EYA1: variants seen among roughly 807,000 people sequenced by gnomAD.
EYA1 encodes the protein protein phosphatase EYA1.
Under a neutral mutation model 82.0 loss-of-function variants are expected in EYA1, and 16 were observed. The ratio of observed to expected loss-of-function variants is 0.20; its 90% CI spans 0.13 to 0.30. EYA1 has a LOEUF of 0.30. Among genes scored for constraint, EYA1 ranks in the 10% least tolerant of loss-of-function variants. The pLI is 1.00. For missense variants in EYA1, 633 were observed against 730.7 expected, an observed-to-expected ratio of 0.87 and a Z score of 1.54; for synonymous variants, 261 against 264.4, an observed-to-expected ratio of 0.99 and a Z score of 0.12.
At chr8:71,398,284 T>G (rs560259755) in intron 2 of EYA1, among the ~76,000 whole-genome samples, 1 of 152,354 alleles carries the variant, frequency 6.6e-6, no homozygotes, top group Non-Finnish European at 1.5e-5. Flanking sequence ...GTCCGAAGCC[T>G]TCTTCTCTCA....
At chr8:71,443,640 T>A (rs527785188) in intron 2 of EYA1, among the ~76,000 whole-genome samples, 5 of 152,284 alleles carry the variant, frequency 3.3e-5, no homozygotes, top group African/African-American at 1.2e-4. Flanking sequence ...ACAACACTGA[T>A]TCAAAGAAAA....
intron 2 of EYA1, among the ~76,000 whole-genome samples, chr8:71,367,152 A>G (rs917313809): frequency 1.3e-5 from 2 of 152,166 alleles, no homozygotes; most frequent in African/African-American, 4.8e-5. Context: ...TAGAGATTAT[A>G]AATATTCCCA....
intron 11 of EYA1, among the ~76,000 whole-genome samples, chr8:71,245,576 T>C (rs1812989779): frequency 6.6e-6 from 1 of 151,696 alleles, no homozygotes; most frequent in African/African-American, 2.4e-5. Context: ...TTAGTGTTAG[T>C]GTATTTTACG....
At chr8:71,510,184 T>C (rs2129250321) in intron 2 of EYA1, among the ~76,000 whole-genome samples, 1 of 152,270 alleles carries the variant, frequency 6.6e-6, no homozygotes, top group East Asian at 1.9e-4. Flanking sequence ...TATCATGTAT[T>C]CATTAGACTC....
At chr8:71,223,593 G>T (rs1810209584) in intron 12 of EYA1, among the ~76,000 whole-genome samples, 1 of 152,162 alleles carries the variant, frequency 6.6e-6, no homozygotes, top group Non-Finnish European at 1.5e-5. Context: ...TGGGCAGAAA[G>T]CCACATGGGG....
intron 9 of EYA1, among the ~76,000 whole-genome samples, chr8:71,288,546 C>A (rs533216196): frequency 6.6e-6 from 1 of 152,300 alleles, no homozygotes; most frequent in Admixed American, 6.5e-5. Context: ...ACAGTCGATG[C>A]TAAACGAAAA....
At chr8:71,459,050 T>C (rs1401775839) in intron 2 of EYA1, among the ~76,000 whole-genome samples, 2 of 152,094 alleles carry the variant, frequency 1.3e-5, no homozygotes, top group Admixed American at 1.3e-4. Flanking sequence ...CTGGTGTGTA[T>C]AAAGAAACTG....
chr8:71,352,319 C>T (rs929610328), intron 3 of EYA1, among the ~76,000 whole-genome samples: 1 of 152,146 alleles, frequency 6.6e-6, no homozygotes, highest in African/African-American at 2.4e-5. Context: ...GCATGATAAA[C>T]TGATTCACAC....
At chr8:71,205,758 C>T (rs1807685781) in intron 17 of EYA1, among the ~76,000 whole-genome samples, 1 of 152,054 alleles carries the variant, frequency 6.6e-6, no homozygotes, top group African/African-American at 2.4e-5. Flanking sequence ...GGTTTTGTTT[C>T]TGTGATTTAA....
chr8:71,278,194 T>G lies in EYA1; in HGVS notation c.827-6297A>C, dbSNP rs569557214. 1.4e-4 allele frequency among the ~76,000 whole-genome samples: 21 copies of G among 152,232 alleles called. No individual in the cohort carries two copies. The South Asian group carries it at 2.3e-3, about 17-fold the overall frequency. ...TACAACACTTACCAAAGCCTCATAATGATTAGTTCTTTGTCTCTCTCTCTC... is the reference window on the plus strand; with the variant it reads ...TACAACACTTACCAAAGCCTCATAAGGATTAGTTCTTTGTCTCTCTCTCTC... On this transcript the variant is annotated intron_variant, in intron 9 of 17. Transcript: ENST00000340726.
At chr8:71,389,169 G>T (rs1377452089) in intron 2 of EYA1, among the ~76,000 whole-genome samples, 1 of 151,326 alleles carries the variant, frequency 6.6e-6, no homozygotes, top group Non-Finnish European at 1.5e-5. Context: ...TTTTTAATGG[G>T]GAAAAAAAAT....
At chr8:71,413,281 G>C (rs551435519) in intron 2 of EYA1, among the ~76,000 whole-genome samples, 1 of 152,310 alleles carries the variant, frequency 6.6e-6, no homozygotes, top group Admixed American at 6.5e-5. Flanking sequence ...ACAGCAGCCT[G>C]CCTCCCTAAC....
chr8:71,358,801 T>C (rs1021598107), intron 1 of EYA1, among the ~76,000 whole-genome samples: 3 of 152,176 alleles, frequency 2.0e-5, no homozygotes, highest in Admixed American at 6.5e-5. Flanking sequence ...GTTTCTGTCT[T>C]GTAAAGGTCT....
intron 2 of EYA1, among the ~76,000 whole-genome samples, chr8:71,448,222 A>G (rs1563623206): frequency 1.3e-5 from 2 of 152,008 alleles, no homozygotes; most frequent in Admixed American, 6.6e-5. Flanking sequence ...ATTAAAGACA[A>G]TCTTCTCAAA....
Position 71,362,037 on chromosome 8 carries a change from C to G in EYA1, c.-445G>C. 2.0e-6 allele frequency: 2 copies of G among 985,486 alleles called. No individual in the cohort carries two copies. The highest frequency in any genetic ancestry group is 2.4e-6 in the Non-Finnish European group (2 of 829,994). 61.0% of individuals were successfully genotyped at this position (985,486 alleles called of 1,614,324 possible). A position where few individuals can be genotyped will look rare whatever the true frequency, so the allele number is the denominator to read the frequency against. On this transcript the variant is annotated 5_prime_UTR_variant, in exon 1 of 18. Coordinates refer to ENST00000340726, the MANE Select transcript of EYA1 (RefSeq NM_000503.6). ...ACAGCTTTGCGCCCAGCGCTCCTTC[C>G]CCACCAAACAGCAGCGGCAGATAGC...
intron 4 of EYA1, among the ~76,000 whole-genome samples, chr8:71,325,055 G>A (rs920152007): frequency 1.6e-4 from 24 of 152,042 alleles, no homozygotes; most frequent in African/African-American, 5.8e-4. Flanking sequence ...ACAATCATTC[G>A]ACAGTGCACA....
At chr8:71,541,814 C>T (rs10097671) in intron 1 of EYA1, among the ~76,000 whole-genome samples, 8,625 of 152,240 alleles carry the variant, frequency 0.057, 306 homozygotes, top group South Asian at 0.13. Flanking sequence ...TATATTGATT[C>T]TGCTGCATGC....
intron 11 of EYA1, among the ~76,000 whole-genome samples, chr8:71,256,997 CT>C (rs1334417240): frequency 1.4e-5 from 2 of 147,782 alleles, no homozygotes; most frequent in Non-Finnish European, 3.0e-5. Context: ...TAAACTCCAT[CT>C]CAAAAAAAAA....
chr8:71,420,133 T>C lies in EYA1; in HGVS notation c.34-63622A>G, dbSNP rs570904277. Among the ~76,000 whole-genome samples the C allele has an allele frequency of 2.6e-5, 4 of 152,178 alleles. No homozygotes were observed. The East Asian group carries it at 7.7e-4, about 29-fold the overall frequency. ...AATAAGTGTCTAATAAATAATTAAA[T>C]TTAATCTCATTATAAGAGTTTTCAT... On this transcript the variant is annotated intron_variant, in intron 2 of 18. Coordinates refer to the EYA1 transcript ENST00000643681.
Sources: allele counts gnomAD v4.1 joint callset (sites outside exome capture counted in the v4.1 genomes callset), GRCh38; gene constraint gnomAD v4.1.1; transcripts MANE v1.5; gene names NCBI Gene and HGNC (gene_info 2026-07-23, HGNC 2026-07-21).